Variants in ENOPH1 observed in about 807,000 individuals in gnomAD.
ENOPH1 encodes enolase-phosphatase 1.
ENOPH1 carries 14 observed loss-of-function variants against 31.1 expected under a neutral mutation model. The observed-to-expected ratio is 0.45, with a 90% CI of 0.30 to 0.70. The LOEUF (loss-of-function observed/expected upper bound fraction) is 0.70. Ranked by LOEUF, ENOPH1 falls within the 30% of genes least tolerant of loss-of-function variation. ENOPH1 has a pLI of 0.09. For synonymous variants in ENOPH1, 127 were observed against 123.2 expected (o/e 1.03, Z -0.21); for missense variants, 243 against 321.5 (o/e 0.76, Z 1.87).
At chr4:82,431,507 A>G (rs756679508) in intron 1 of ENOPH1, among the ~76,000 whole-genome samples, 5 of 152,142 alleles carry the variant, frequency 3.3e-5, no homozygotes, top group Admixed American at 6.5e-5. Context: ...GAGCTATAGG[A>G]CACGTCTAGA....
chr4:82,460,254 T>C lies in ENOPH1; in HGVS notation c.*134T>C. 1 of 825,230 alleles carries C rather than the reference T, an allele frequency of 1.2e-6. No homozygotes were observed. Among genetic ancestry groups the C allele is most frequent in the East Asian group, 2.7e-5 (1 of 37,670 alleles). 51.1% of individuals were successfully genotyped at this position (825,230 alleles called of 1,614,324 possible). Reference sequence around the variant, plus strand: ...GTATGCAAGTATGTATATATGTGTATGCTCAGATTAACTTCCATAGGTACA... The same window carrying C: ...GTATGCAAGTATGTATATATGTGTACGCTCAGATTAACTTCCATAGGTACA... On this transcript the variant is annotated 3_prime_UTR_variant, in exon 6 of 6. Coordinates refer to ENST00000273920, the MANE Select transcript of ENOPH1 (RefSeq NM_021204.5).
At chr4:82,448,596 ATAT>A (rs1338533436) in intron 2 of ENOPH1, among the ~76,000 whole-genome samples, 1 of 150,938 alleles carries the variant, frequency 6.6e-6, no homozygotes, top group East Asian at 2.0e-4. Context: ...CAAATATATG[ATAT>A]TGTTAGGCAA....
intron 2 of ENOPH1, among the ~76,000 whole-genome samples, chr4:82,449,946 T>G (rs1222622452): frequency 6.6e-6 from 1 of 152,200 alleles, no homozygotes; most frequent in Non-Finnish European, 1.5e-5. Flanking sequence ...TTCCACATTG[T>G]GTGCTATGGA....
At chr4:82,446,961 C>T (rs1365129444) in intron 1 of ENOPH1, among the ~76,000 whole-genome samples, 2 of 151,594 alleles carry the variant, frequency 1.3e-5, no homozygotes, top group Non-Finnish European at 2.9e-5. Context: ...CCGCCTCGGC[C>T]TCCCAAAGTG....
intron 1 of ENOPH1, among the ~76,000 whole-genome samples, chr4:82,431,165 C>T (rs1001115683): frequency 7.9e-5 from 12 of 152,150 alleles, no homozygotes; most frequent in Non-Finnish European, 1.6e-4. Context: ...TGGAAGTTGA[C>T]GCTAAAAATC....
Position 82,456,932 on chromosome 4 carries a change from T to G in ENOPH1, c.540T>G (p.Phe180Leu). The change falls in exon 5 of 6, where the codon TTT becomes TTG. Residue 180 changes from phenylalanine (F) to leucine (L), a missense_variant. By Grantham distance (22) the Phe-to-Leu change is conservative. Transcript: ENST00000273920. Reference protein sequence around the residue: ...GDILELVDGHFDTKIGHKVES... With the variant: ...GDILELVDGHLDTKIGHKVES... Reference sequence around the variant, plus strand: ...TTGTTCAGCTTGTTGATGGTCACTTTGATACCAAGATTGGACACAAAGTAG... The same window carrying G: ...TTGTTCAGCTTGTTGATGGTCACTTGGATACCAAGATTGGACACAAAGTAG... 1 of 1,614,088 alleles carries G rather than the reference T, an allele frequency of 6.2e-7. No homozygotes were observed. The highest frequency in any genetic ancestry group is 8.5e-7 in the Non-Finnish European group (1 of 1,179,984).
At chr4:82,437,178 T>C (rs1721929353) in intron 1 of ENOPH1, among the ~76,000 whole-genome samples, 1 of 152,204 alleles carries the variant, frequency 6.6e-6, no homozygotes, top group South Asian at 2.1e-4. Flanking sequence ...GCATAATCTT[T>C]CCAGCCTAAT....
chr4:82,440,320 A>T (rs561960623), intron 1 of ENOPH1, among the ~76,000 whole-genome samples: 4 of 152,202 alleles, frequency 2.6e-5, no homozygotes, highest in African/African-American at 9.7e-5. Context: ...AGAAATTTCC[A>T]TAGAGAATAT....
At chr4:82,439,856 GA>G (rs751659919) in intron 1 of ENOPH1, among the ~76,000 whole-genome samples, 6 of 152,156 alleles carry the variant, frequency 3.9e-5, no homozygotes, top group Admixed American at 6.5e-5. Flanking sequence ...AGGAGTCAAA[GA>G]TGACTCTAAG....
chr4:82,456,718 T>C (rs1175118041), intron 4 of ENOPH1, among the ~76,000 whole-genome samples, 197 bp from the exon 5 acceptor site: 1 of 152,236 alleles, frequency 6.6e-6, no homozygotes, highest in Non-Finnish European at 1.5e-5. Context: ...GAGCTGGTAG[T>C]TTTCTTCTTC....
chr4:82,444,023 C>T (rs948733980), intron 1 of ENOPH1, among the ~76,000 whole-genome samples: 4 of 151,918 alleles, frequency 2.6e-5, no homozygotes, highest in Non-Finnish European at 5.9e-5. Context: ...TACAGGCTCG[C>T]GCCACCACAT....
intron 1 of ENOPH1, among the ~76,000 whole-genome samples, chr4:82,431,310 T>A (rs1439611479): frequency 1.3e-5 from 2 of 152,234 alleles, no homozygotes; most frequent in Non-Finnish European, 2.9e-5. Flanking sequence ...GGCAGCGATT[T>A]AATGGTCCTT....
Position 82,454,670 on chromosome 4 carries a change from A to T in ENOPH1, c.390-52A>T, listed in dbSNP as rs534031764. 1.9e-6 allele frequency: 3 copies of T among 1,576,192 alleles called. 1 individual carries two copies. Among genetic ancestry groups the T allele is most frequent in the Non-Finnish European group, 2.6e-6 (3 of 1,164,592 alleles). Reference sequence around the variant, plus strand: ...ATGGCATCTGTTTTGACAGGTTTTTATCTGGCTAGATGAGGTGTTCCTGTA... The same window carrying T: ...ATGGCATCTGTTTTGACAGGTTTTTTTCTGGCTAGATGAGGTGTTCCTGTA... On this transcript the variant is annotated intron_variant, in intron 3 of 5. Coordinates refer to ENST00000273920, the MANE Select transcript of ENOPH1 (RefSeq NM_021204.5).
chr4:82,457,059 A>G (rs1325211440), intron 5 of ENOPH1, 21 bp downstream of exon 5: 1 of 1,611,672 alleles, frequency 6.2e-7, no homozygotes, highest in Admixed American at 1.7e-5. Flanking sequence ...GACTTCTTAT[A>G]TTATATACTC....
Position 82,447,925 on chromosome 4 carries a change from T to G in ENOPH1, c.90T>G (p.Ile30Met). ...TCTTTTACTCTTTTATCCAGGACATTTTATTTCCTTACATCGAAGAAAATG... is the reference window on the plus strand; with the variant it reads ...TCTTTTACTCTTTTATCCAGGACATGTTATTTCCTTACATCGAAGAAAATG... ...TTTPIAFVKD[I>M]LFPYIEENVK... Residue 30 changes from isoleucine (I) to methionine (M), a missense_variant, in exon 2 of 6, where the codon ATT (isoleucine) becomes ATG (methionine). By Grantham distance (10) the Ile-to-Met change is conservative (BLOSUM62 1). Transcript: ENST00000273920. The G allele has an allele frequency of 6.2e-7, 1 of 1,600,632 alleles. No individual in the cohort carries two copies. Among genetic ancestry groups the G allele is most frequent in the South Asian group, 1.1e-5 (1 of 89,140 alleles).
intron 1 of ENOPH1, among the ~76,000 whole-genome samples, chr4:82,444,557 G>A (rs1722132899): frequency 1.3e-5 from 2 of 152,216 alleles, no homozygotes; most frequent in South Asian, 4.2e-4. Flanking sequence ...AAACAACCAC[G>A]TGACCGTAAA....
intron 1 of ENOPH1, among the ~76,000 whole-genome samples, chr4:82,444,653 A>T (rs575390804): frequency 1.3e-5 from 2 of 152,342 alleles, no homozygotes; most frequent in Admixed American, 1.3e-4. Flanking sequence ...TCAGTAAGCG[A>T]TCACTGAGCT....
chr4:82,454,830 T>C lies in ENOPH1; in HGVS notation c.498T>C (p.His166=), dbSNP rs1236269359. The C allele has an allele frequency of 4.3e-6, 7 of 1,613,354 alleles. No homozygotes were observed. The African/African-American group carries it at 8.0e-5, about 18-fold the overall frequency. Residue 166 remains histidine (H), a synonymous_variant, in exon 4 of 6, where the codon CAT becomes CAC. Transcript: ENST00000273920. ...SVEAQKLLFG[H]STEGDILELV... Reference sequence around the variant, plus strand: ...AGGCACAGAAACTGTTATTCGGGCATTCTACGGAGGGAGATATTCTTGAGG... The same window carrying C: ...AGGCACAGAAACTGTTATTCGGGCACTCTACGGAGGGAGATATTCTTGAGG...
chr4:82,451,262 G>A lies in ENOPH1; in HGVS notation c.389+17G>A. The A allele has an allele frequency of 6.2e-7, 1 of 1,611,336 alleles. No homozygotes were observed. The highest frequency in any genetic ancestry group is 8.5e-7 in the Non-Finnish European group (1 of 1,177,688). On this transcript the variant is annotated intron_variant, in intron 3 of 5. Transcript: ENST00000273920. ...GAAAGCAGAGTATGTGCTTGAGTCA[G>A]CCTAAACATTTCACCAGTCCCAAAT...
Sources: allele counts gnomAD v4.1 joint callset (sites outside exome capture counted in the v4.1 genomes callset), GRCh38; gene constraint gnomAD v4.1.1; transcripts MANE v1.5; gene names NCBI Gene and HGNC (gene_info 2026-07-23, HGNC 2026-07-21).